RAB38: variants seen among roughly 807,000 people sequenced by gnomAD.
RAB38 encodes RAB38, member RAS oncogene family.
Under a neutral mutation model 18.4 loss-of-function variants are expected in RAB38, and 15 were observed. The observed-to-expected ratio is 0.82, with a 90% CI of 0.55 to 1.26. The LOEUF is 1.26. Ranked by LOEUF, RAB38 falls within the 50% of genes most tolerant of loss-of-function variation. The pLI is 0.00. For missense variants in RAB38, 294 were observed against 267.4 expected (o/e 1.10, Z -0.69); for synonymous variants, 101 against 104.4 (o/e 0.97, Z 0.20).
chr11:88,039,796 G>A, the RAB38 span, among the ~76,000 whole-genome samples: 3 of 150,992 alleles, frequency 2.0e-5, no homozygotes, highest in Admixed American at 6.6e-5. Flanking sequence ...TAAATGTAGA[G>A]TAAAGAACTA....
At chr11:87,870,080 TA>T in the RAB38 span, among the ~76,000 whole-genome samples, 1 of 151,686 alleles carries the variant, frequency 6.6e-6, no homozygotes, top group African/African-American at 2.4e-5. Context: ...TGGAAACATA[TA>T]AGATGTTTTT....
the RAB38 span, among the ~76,000 whole-genome samples, chr11:87,840,708 G>A: frequency 6.6e-6 from 1 of 152,122 alleles, no homozygotes; most frequent in Non-Finnish European, 1.5e-5. Context: ...ACCATAAAAA[G>A]TAATGTAAAA....
chr11:88,125,256 G>T (rs891277832), intron 2 of RAB38, among the ~76,000 whole-genome samples: 1 of 152,054 alleles, frequency 6.6e-6, no homozygotes, highest in Non-Finnish European at 1.5e-5. Context: ...CAACCAATAT[G>T]GCTACAACTG....
At chr11:87,820,337 C>A in the RAB38 span, among the ~76,000 whole-genome samples, 1 of 152,072 alleles carries the variant, frequency 6.6e-6, no homozygotes, top group South Asian at 2.1e-4. Flanking sequence ...TAAGGATGAG[C>A]CAAAACAAAC....
At chr11:88,035,759 G>C in the RAB38 span, among the ~76,000 whole-genome samples, 1 of 152,156 alleles carries the variant, frequency 6.6e-6, no homozygotes, top group African/African-American at 2.4e-5. Context: ...TCCCATTCTA[G>C]CAAGACTACT....
intron 1 of RAB38, among the ~76,000 whole-genome samples, chr11:88,160,363 C>A (rs1380341820): frequency 1.3e-5 from 2 of 152,072 alleles, no homozygotes; most frequent in East Asian, 3.8e-4. Context: ...AAATGGAATG[C>A]ATATACACTT....
At chr11:87,955,501 A>AAAAT in the RAB38 span, among the ~76,000 whole-genome samples, 1 of 152,160 alleles carries the variant, frequency 6.6e-6, no homozygotes, top group Non-Finnish European at 1.5e-5. Context: ...TCCTGAATCT[A>AAAAT]AAATAAAAGT....
At chr11:87,930,647 A>C in the RAB38 span, among the ~76,000 whole-genome samples, 2 of 152,154 alleles carry the variant, frequency 1.3e-5, no homozygotes, top group African/African-American at 4.8e-5. Flanking sequence ...GACCATGCCT[A>C]TGTCCTGAAT....
At chr11:87,976,987 TACA>T in the RAB38 span, among the ~76,000 whole-genome samples, 1 of 29,862 alleles carries the variant, frequency 3.3e-5, no homozygotes, top group Non-Finnish European at 5.4e-5. Context: ...AAAATATAAT[TACA>T]TTATACAAGT....
chr11:88,062,227 C>G, the RAB38 span: 2 of 152,038 alleles, frequency 1.3e-5, no homozygotes, highest in Non-Finnish European at 2.9e-5. Flanking sequence ...GGGGTGGTTT[C>G]CCCCATGCTA....
At chr11:88,083,746 G>T in the RAB38 span, among the ~76,000 whole-genome samples, 1 of 151,920 alleles carries the variant, frequency 6.6e-6, no homozygotes, top group Non-Finnish European at 1.5e-5. Flanking sequence ...TCTGCCTTCT[G>T]CCATACAAGG....
At chr11:88,162,231 C>T (rs569871661) in intron 1 of RAB38, among the ~76,000 whole-genome samples, 2 of 152,218 alleles carry the variant, frequency 1.3e-5, no homozygotes, top group Admixed American at 6.5e-5. Context: ...GACTTTGTCC[C>T]ATCAAACCAA....
chr11:88,129,969 A>T (rs1942747042), intron 2 of RAB38, among the ~76,000 whole-genome samples: 1 of 152,218 alleles, frequency 6.6e-6, no homozygotes, highest in Non-Finnish European at 1.5e-5. Flanking sequence ...TGAACCAAGG[A>T]TAGTGTAGGA....
intron 2 of RAB38, among the ~76,000 whole-genome samples, chr11:88,115,998 C>G (rs1374078713): frequency 6.6e-6 from 1 of 152,198 alleles, no homozygotes; most frequent in East Asian, 1.9e-4. Context: ...GAGAGAACAG[C>G]AATGCTTCTG....
chr11:88,029,043 C>T, the RAB38 span, among the ~76,000 whole-genome samples: 2 of 152,106 alleles, frequency 1.3e-5, no homozygotes, highest in Non-Finnish European at 2.9e-5. Flanking sequence ...GGCAGAAACT[C>T]TACAAGCCAG....
At chr11:87,922,518 A>G in the RAB38 span, among the ~76,000 whole-genome samples, 1 of 151,960 alleles carries the variant, frequency 6.6e-6, no homozygotes, top group South Asian at 2.1e-4. Flanking sequence ...TGTCATATTC[A>G]TATTTGACAA....
chr11:87,855,302 C>T, the RAB38 span, among the ~76,000 whole-genome samples: 1 of 152,108 alleles, frequency 6.6e-6, no homozygotes, highest in Admixed American at 6.6e-5. Flanking sequence ...ATAGAGTCTT[C>T]AGATATCATA....
At chr11:88,075,259 G>C in the RAB38 span, among the ~76,000 whole-genome samples, 1 of 152,084 alleles carries the variant, frequency 6.6e-6, no homozygotes, top group African/African-American at 2.4e-5. Context: ...CTTTTCATAA[G>C]CACATGGAAC....
the RAB38 span, among the ~76,000 whole-genome samples, chr11:87,912,980 A>G: frequency 6.6e-6 from 1 of 151,826 alleles, no homozygotes; most frequent in Non-Finnish European, 1.5e-5. Flanking sequence ...ATGTTTTGAC[A>G]TCCCACTTTA....
Sources: gnomAD v4.1 joint callset for allele counts (sites outside exome capture counted in the v4.1 genomes callset) on GRCh38, gnomAD v4.1.1 for gene constraint, MANE v1.5 for transcripts, NCBI Gene and HGNC (gene_info 2026-07-23, HGNC 2026-07-21) for gene names.